The following CA10 variants were observed in gnomAD, a reference collection of about 807,000 sequenced individuals.
The protein encoded by CA10 is carbonic anhydrase 10 (inactive).
A neutral mutation model predicts 44.2 loss-of-function variants in CA10; 14 were observed. The ratio of observed to expected loss-of-function variants is 0.32; its 90% CI spans 0.21 to 0.50. The LOEUF (loss-of-function observed/expected upper bound fraction) is 0.50, where lower values mean the gene tolerates loss of function less well. Among genes scored for constraint, CA10 ranks in the 20% least tolerant of loss-of-function variants. The pLI is 0.99. For missense variants in CA10, 350 were observed against 409.7 expected, an observed-to-expected ratio of 0.85 and a Z score of 1.26; for synonymous variants, 159 against 141.6, an observed-to-expected ratio of 1.12 and a Z score of -0.87.
At chr17:52,038,873 G>A (rs1367954735) in intron 2 of CA10, among the ~76,000 whole-genome samples, 1 of 152,034 alleles carries the variant, frequency 6.6e-6, no homozygotes, top group African/African-American at 2.4e-5. Context: ...GTGTTTCTCT[G>A]GGTCCTGTTT....
At chr17:51,661,278 A>G (rs574487674) in intron 4 of CA10, among the ~76,000 whole-genome samples, 90 of 152,262 alleles carry the variant, frequency 5.9e-4, no homozygotes, top group Non-Finnish European at 1.0e-3. Flanking sequence ...TCTATTGTAC[A>G]ATGAAGTGTG....
chr17:52,065,955 C>CACT (rs1987525176), intron 2 of CA10, among the ~76,000 whole-genome samples: 1 of 152,186 alleles, frequency 6.6e-6, no homozygotes, highest in Non-Finnish European at 1.5e-5. Context: ...TTCATCGCAT[C>CACT]CAGTTGTTCC....
chr17:51,786,214 C>CTGTG (rs71357856), intron 3 of CA10, among the ~76,000 whole-genome samples: 2,762 of 147,960 alleles, frequency 0.019, 38 homozygotes, highest in East Asian at 0.035. Flanking sequence ...CTTTGTGTGT[C>CTGTG]TGTGTGTGTG....
At position 51,890,349 on chromosome 17, in the gene CA10, G is replaced by A. The variant is rs528070947; in HGVS notation, c.279+40641C>T. On this transcript the variant is annotated intron_variant, in intron 3 of 8. Transcript: ENST00000451037. ...TTCAGTTGTGGGTTCGTAAATTCTC[G>A]AGTTTAAGACTTGTTGCCATTTGCT... Among the ~76,000 whole-genome samples, 34 of 152,186 alleles carry A rather than the reference G, an allele frequency of 2.2e-4. No individual in the cohort carries two copies. In the South Asian group the frequency reaches 4.1e-3, roughly 19 times the overall value.
At chr17:51,880,309 T>A (rs756640510) in intron 3 of CA10, among the ~76,000 whole-genome samples, 34 of 152,038 alleles carry the variant, frequency 2.2e-4, no homozygotes, top group Non-Finnish European at 4.9e-4. Context: ...AAAAATATTT[T>A]TTTTTCTTTT....
chr17:51,654,010 C>T (rs1913681309), intron 4 of CA10, among the ~76,000 whole-genome samples: 1 of 152,188 alleles, frequency 6.6e-6, no homozygotes, highest in Non-Finnish European at 1.5e-5. Flanking sequence ...TGGCTCCATC[C>T]CAGGACATTT....
chr17:52,112,589 G>A (rs898796423), intron 1 of CA10, among the ~76,000 whole-genome samples: 2 of 152,158 alleles, frequency 1.3e-5, no homozygotes, highest in African/African-American at 4.8e-5. Flanking sequence ...ATTAGCTGTG[G>A]TACTTTCAGA....
At chr17:52,064,573 T>A (rs895192672) in intron 2 of CA10, among the ~76,000 whole-genome samples, 1 of 152,136 alleles carries the variant, frequency 6.6e-6, no homozygotes, top group African/African-American at 2.4e-5. Flanking sequence ...AGACTTTTTT[T>A]TTTTTTAAAG....
chr17:52,105,971 T>C (rs929442315), intron 1 of CA10, among the ~76,000 whole-genome samples: 5 of 152,184 alleles, frequency 3.3e-5, no homozygotes, highest in Non-Finnish European at 5.9e-5. Context: ...GCTGTTATAA[T>C]TGCACATAAT....
At chr17:51,899,093 T>TG (rs1396361443) in intron 3 of CA10, among the ~76,000 whole-genome samples, 1 of 152,070 alleles carries the variant, frequency 6.6e-6, no homozygotes, top group African/African-American at 2.4e-5. Context: ...GCTTTGGGGT[T>TG]GGCTGGCTCT....
chr17:52,040,224 G>C (rs1986731761), intron 2 of CA10, among the ~76,000 whole-genome samples: 1 of 148,018 alleles, frequency 6.8e-6, no homozygotes, highest in African/African-American at 2.5e-5. Context: ...CTGGAGGAAA[G>C]ACATGGGCTC....
chr17:51,953,462 T>G (rs990405914), intron 2 of CA10, among the ~76,000 whole-genome samples: 3 of 152,000 alleles, frequency 2.0e-5, no homozygotes, highest in Non-Finnish European at 4.4e-5. Flanking sequence ...TTTGTTTTTT[T>G]TTTTTAATTT....
At chr17:52,034,218 T>C (rs1214646823) in intron 2 of CA10, among the ~76,000 whole-genome samples, 1 of 152,098 alleles carries the variant, frequency 6.6e-6, no homozygotes, top group East Asian at 1.9e-4. Context: ...ATAGTAGAAA[T>C]AATAAAGAGA....
At chr17:51,686,310 G>C (rs1915008300) in intron 4 of CA10, among the ~76,000 whole-genome samples, 1 of 152,142 alleles carries the variant, frequency 6.6e-6, no homozygotes. Flanking sequence ...CCCAGTTACA[G>C]GTACATCTTT....
chr17:52,013,773 G>C (rs1166717534), intron 2 of CA10, among the ~76,000 whole-genome samples: 1 of 151,836 alleles, frequency 6.6e-6, no homozygotes, highest in African/African-American at 2.4e-5. Flanking sequence ...ATCCACAGGG[G>C]ACTGGTTTCA....
At chr17:52,120,787 GT>G (rs531630152) in intron 1 of CA10, among the ~76,000 whole-genome samples, 53 of 152,248 alleles carry the variant, frequency 3.5e-4, no homozygotes, top group Admixed American at 1.6e-3. Flanking sequence ...TGGTAGCCTG[GT>G]ATTCGATCTG....
chr17:51,729,796 G>A lies in CA10; in HGVS notation c.465+17837C>T, dbSNP rs117917913. On this transcript the variant is annotated intron_variant, in intron 4 of 8. Transcript: ENST00000451037. ...TGCTTTCTCTAATGAGGTGGATGTG[G>A]ATATTGAGGTTGCATTTCTTTTCAG... 8.8e-3 allele frequency among the ~76,000 whole-genome samples: 1,343 copies of A among 152,266 alleles called. 11 individuals carry two copies. The highest frequency in any genetic ancestry group is 0.014 in the Non-Finnish European group (921 of 68,024).
chr17:51,830,153 C>G (rs139129053), intron 3 of CA10, among the ~76,000 whole-genome samples: 3 of 144,650 alleles, frequency 2.1e-5, no homozygotes, highest in African/African-American at 7.8e-5. Flanking sequence ...GCTGAGATTG[C>G]GCCACTGTAC....
At chr17:51,792,319 C>G (rs1239228527) in intron 3 of CA10, among the ~76,000 whole-genome samples, 2 of 152,200 alleles carry the variant, frequency 1.3e-5, no homozygotes, top group Admixed American at 6.5e-5. Context: ...TTGCACAAGA[C>G]AGAGGCTCAG....
Sources: gnomAD v4.1 joint callset for allele counts (sites outside exome capture counted in the v4.1 genomes callset) on GRCh38, gnomAD v4.1.1 for gene constraint, MANE v1.5 for transcripts, NCBI Gene and HGNC (gene_info 2026-07-23, HGNC 2026-07-21) for gene names.